The following TPTE variants were observed in gnomAD, a reference collection of about 807,000 sequenced individuals.
The protein encoded by TPTE is transmembrane phosphatase with tensin homology, also known as putative tyrosine-protein phosphatase TPTE.
Under a neutral mutation model 84.1 loss-of-function variants are expected in TPTE, and 59 were observed. The ratio of observed to expected loss-of-function variants is 0.70; its 90% CI spans 0.57 to 0.87. TPTE has a LOEUF of 0.87. Ranked by LOEUF, TPTE falls within the 40% of genes least tolerant of loss-of-function variation. The probability of loss-of-function intolerance (pLI) is 0.00; values close to 1 mark genes in which losing one functional copy is unlikely to be tolerated. For missense variants in TPTE, 382 were observed against 659.6 expected, an observed-to-expected ratio of 0.58 and a Z score of 4.61; for synonymous variants, 130 against 223.5, an observed-to-expected ratio of 0.58 and a Z score of 3.73.
chr21:10,575,103 TGAGTTCCCGGG>T (rs1233068296), intron 14 of TPTE, among the ~76,000 whole-genome samples: 1 of 152,308 alleles, frequency 6.6e-6, no homozygotes. Flanking sequence ...CAGATGGGTC[TGAGTTCCCGGG>T]GAGGTGGCGA....
At chr21:10,585,687 G>A (rs2075351598) in intron 17 of TPTE, among the ~76,000 whole-genome samples, 1 of 152,308 alleles carries the variant, frequency 6.6e-6, no homozygotes, top group Admixed American at 6.5e-5. Context: ...CTTCTTAAGT[G>A]TAAAGTGAAA....
At chr21:10,529,405 T>G (rs1379178287) in intron 3 of TPTE, among the ~76,000 whole-genome samples, 5 of 152,306 alleles carry the variant, frequency 3.3e-5, no homozygotes, top group Admixed American at 1.3e-4. Flanking sequence ...ACAGCTACTT[T>G]TAGATATTTT....
intron 4 of TPTE, among the ~76,000 whole-genome samples, 192 bp downstream of exon 4, chr21:10,538,926 G>T (rs1257852647): frequency 6.6e-6 from 1 of 152,310 alleles, no homozygotes; most frequent in Non-Finnish European, 1.5e-5. Context: ...CAGACGGCCG[G>T]ACATTTGTGG....
chr21:10,553,581 C>T (rs1408753474), intron 8 of TPTE, among the ~76,000 whole-genome samples: 1 of 152,210 alleles, frequency 6.6e-6, no homozygotes, highest in African/African-American at 2.4e-5. Context: ...TCCTTCTTTC[C>T]CCACTCCAAA....
intron 9 of TPTE, among the ~76,000 whole-genome samples, chr21:10,560,681 A>G (rs210536): frequency 0.22 from 31,816 of 145,010 alleles, 65 homozygotes; most frequent in African/African-American, 0.47. Flanking sequence ...AGAAATTGGT[A>G]TAAACTTCTT....
intron 17 of TPTE, among the ~76,000 whole-genome samples, chr21:10,589,273 G>C (rs1364284473): frequency 1.3e-5 from 2 of 152,290 alleles, no homozygotes; most frequent in African/African-American, 2.4e-5. Flanking sequence ...TGCTTCTGCA[G>C]CCCTATGCAC....
intron 3 of TPTE, among the ~76,000 whole-genome samples, chr21:10,536,314 C>T (rs1390292870): frequency 6.6e-6 from 1 of 152,290 alleles, no homozygotes; most frequent in Admixed American, 6.5e-5. Context: ...GTGATATACA[C>T]ATGAATATTT....
At position 10,603,634 on chromosome 21, in the gene TPTE, T is replaced by C. The variant is rs1978885773; in HGVS notation, c.1520+2T>C. The stretch of plus-strand genomic sequence containing the variant: ...CACATCTTTTATTGAAAATAACAGG[T>C]ATGAATATAATAGAAACCCATAGAA... On this transcript the variant is annotated splice_donor_variant, in intron 23 of 23. Transcript: ENST00000618007. LOFTEE classifies it high-confidence loss of function. 6.2e-7 allele frequency: 1 copy of C among 1,611,476 alleles called. No individual in the cohort carries two copies. Among genetic ancestry groups the C allele is most frequent in the African/African-American group, 1.3e-5 (1 of 75,012 alleles).
chr21:10,587,536 A>C (rs1284966514), intron 17 of TPTE, among the ~76,000 whole-genome samples: 3 of 152,308 alleles, frequency 2.0e-5, no homozygotes, highest in East Asian at 1.9e-4. Flanking sequence ...ATGATGCTGC[A>C]AAGGAAATGA....
intron 14 of TPTE, among the ~76,000 whole-genome samples, chr21:10,573,688 A>G (rs1262507515): frequency 1.0e-3 from 158 of 151,944 alleles, no homozygotes; most frequent in Non-Finnish European, 1.4e-3. Flanking sequence ...CCTTATAAAT[A>G]TGAACAAGTA....
intron 3 of TPTE, among the ~76,000 whole-genome samples, chr21:10,529,429 G>A (rs1031961813): frequency 5.3e-5 from 8 of 152,306 alleles, no homozygotes; most frequent in Non-Finnish European, 1.2e-4. Flanking sequence ...AATGTGAGAG[G>A]GGTGAGTTAA....
In TPTE at chr21:10,592,293, G is replaced by C; in HGVS notation, c.1090G>C (p.Glu364Gln). The C allele has an allele frequency of 6.2e-7, 1 of 1,613,216 alleles. No individual in the cohort carries two copies. Among genetic ancestry groups the C allele is most frequent in the South Asian group, 1.1e-5 (1 of 91,048 alleles). Residue 364 changes from glutamate (E) to glutamine (Q), a missense_variant and splice_region_variant, in exon 19 of 24, where the codon GAA becomes CAA. Transcript: ENST00000618007. ...GGTTGGATTGTACCCTTTTTTGTAG[G>C]AAAGCCTGTATTATTTTGGAGAAAG... ...IASEICSTAK[E>Q]SLYYFGERRT...
intron 7 of TPTE, among the ~76,000 whole-genome samples, chr21:10,549,489 T>C (rs987002800): frequency 2.6e-5 from 4 of 152,300 alleles, no homozygotes; most frequent in Admixed American, 2.6e-4. Context: ...TCAGTAAAGA[T>C]ACAGATATCA....
chr21:10,573,092 C>G (rs1441617057), intron 14 of TPTE, among the ~76,000 whole-genome samples: 4 of 151,338 alleles, frequency 2.6e-5, no homozygotes, highest in Non-Finnish European at 5.9e-5. Context: ...TGTATGCTGC[C>G]TACAAGAAAC....
chr21:10,582,141 G>C (rs1205511387), intron 17 of TPTE, among the ~76,000 whole-genome samples: 1 of 152,310 alleles, frequency 6.6e-6, no homozygotes, highest in African/African-American at 2.4e-5. Flanking sequence ...TACTGATGTA[G>C]TAAAGATATT....
chr21:10,527,747 C>G (rs1449003326), intron 3 of TPTE, among the ~76,000 whole-genome samples: 2 of 152,304 alleles, frequency 1.3e-5, no homozygotes, highest in Admixed American at 6.5e-5. Context: ...GCTAAGAGAC[C>G]CTGTATCTGT....
intron 7 of TPTE, among the ~76,000 whole-genome samples, chr21:10,547,693 C>T (rs1378724459): frequency 2.6e-5 from 4 of 152,420 alleles, no homozygotes; most frequent in Middle Eastern, 3.4e-3. Context: ...CTGTGCCTCT[C>T]CAGCACTGGA....
chr21:10,532,768 G>C (rs1193207081), intron 3 of TPTE, among the ~76,000 whole-genome samples: 1 of 152,294 alleles, frequency 6.6e-6, no homozygotes, highest in African/African-American at 2.4e-5. Flanking sequence ...GTGTAATTTA[G>C]TTTCAAATGT....
intron 7 of TPTE, among the ~76,000 whole-genome samples, chr21:10,546,020 T>A (rs1455192820): frequency 1.3e-5 from 2 of 152,294 alleles, no homozygotes; most frequent in African/African-American, 2.4e-5. Context: ...TATATGCAGG[T>A]ATATCTTGTT....
Sources: gnomAD v4.1 joint callset for allele counts (sites outside exome capture counted in the v4.1 genomes callset) on GRCh38, gnomAD v4.1.1 for gene constraint, MANE v1.5 for transcripts, NCBI Gene and HGNC (gene_info 2026-07-23, HGNC 2026-07-21) for gene names.